The following ADAMTS17 variants were observed in gnomAD, a reference collection of about 807,000 sequenced individuals.
The protein encoded by ADAMTS17 is ADAM metallopeptidase with thrombospondin type 1 motif 17.
ADAMTS17 carries 113 observed loss-of-function variants against 141.5 expected under a neutral mutation model. The observed-to-expected ratio is 0.80, with a 90% CI of 0.69 to 0.93. The LOEUF (loss-of-function observed/expected upper bound fraction) is 0.93, where lower values mean the gene tolerates loss of function less well. ADAMTS17 is among the 40% of genes least tolerant of loss of function. The pLI is 0.00. For synonymous variants in ADAMTS17, 768 were observed against 630.6 expected (o/e 1.22, Z -3.27); for missense variants, 1,659 against 1,517.9 (o/e 1.09, Z -1.54).
At chr15:100,232,263 G>A (rs558402528) in intron 7 of ADAMTS17, among the ~76,000 whole-genome samples, 1 of 152,330 alleles carries the variant, frequency 6.6e-6, no homozygotes, top group South Asian at 2.1e-4. Context: ...ATCCACCCGG[G>A]CAGGACACCT....
chr15:100,051,320 C>T (rs2032121047), intron 17 of ADAMTS17, among the ~76,000 whole-genome samples: 2 of 152,206 alleles, frequency 1.3e-5, no homozygotes, highest in Admixed American at 6.5e-5. Context: ...AGCCAAACCC[C>T]GCTTCACCCA....
chr15:100,051,495 C>A (rs201471122), intron 17 of ADAMTS17, 77 bp downstream of exon 17: 11 of 1,597,144 alleles, frequency 6.9e-6, no homozygotes, highest in African/African-American at 2.7e-5. Flanking sequence ...TCACACTCTG[C>A]GTGCTGGCCA....
chr15:100,137,251 G>A (rs986274661), intron 10 of ADAMTS17, among the ~76,000 whole-genome samples: 1 of 152,188 alleles, frequency 6.6e-6, no homozygotes, highest in African/African-American at 2.4e-5. Flanking sequence ...ACCCAGACAA[G>A]GCAGAAATGA....
intron 18 of ADAMTS17, among the ~76,000 whole-genome samples, chr15:100,003,258 A>C (rs1021545588): frequency 1.3e-5 from 2 of 151,982 alleles, no homozygotes; most frequent in Admixed American, 1.3e-4. Context: ...TCCCAGCTCC[A>C]CCTGGGGTTC....
chr15:100,240,660 A>C (rs912335171), intron 7 of ADAMTS17, among the ~76,000 whole-genome samples: 1 of 152,088 alleles, frequency 6.6e-6, no homozygotes, highest in African/African-American at 2.4e-5. Flanking sequence ...CCTTCCCACA[A>C]TCTGCCACCC....
chr15:100,108,421 G>A (rs1232352373), intron 14 of ADAMTS17, among the ~76,000 whole-genome samples: 1 of 152,104 alleles, frequency 6.6e-6, no homozygotes, highest in African/African-American at 2.4e-5. Context: ...TGATCTTCCT[G>A]CCTCGGCCTC....
At chr15:100,112,517 C>T (rs575469601) in intron 13 of ADAMTS17, among the ~76,000 whole-genome samples, 1 of 152,222 alleles carries the variant, frequency 6.6e-6, no homozygotes, top group South Asian at 2.1e-4. Flanking sequence ...TTCTCTATTT[C>T]CCTCCAGGTT....
chr15:100,110,021 C>G (rs544631123), intron 13 of ADAMTS17, among the ~76,000 whole-genome samples: 4 of 152,002 alleles, frequency 2.6e-5, no homozygotes, highest in Non-Finnish European at 5.9e-5. Context: ...CAGGTCCCAT[C>G]GCTAAAAGAG....
In ADAMTS17 at chr15:100,341,176, G is replaced by A. The variant is rs1421713385; in HGVS notation, c.313C>T (p.Arg105Ter). The A allele has an allele frequency of 5.5e-6, 8 of 1,463,442 alleles. No homozygotes were observed. Among genetic ancestry groups the A allele is most frequent in the South Asian group, 1.3e-5 (1 of 78,006 alleles). 90.7% of individuals were successfully genotyped at this position (1,463,442 alleles called of 1,614,324 possible). A position where few individuals can be genotyped will look rare whatever the true frequency, so the allele number is the denominator to read the frequency against. The change falls in exon 2 of 22, where the codon CGA (arginine) becomes TGA (stop). Residue 105 changes from arginine (R) to a stop codon, truncating the protein, a stop_gained. Coordinates refer to ENST00000268070, the MANE Select transcript of ADAMTS17 (RefSeq NM_139057.4). LOFTEE classifies it high-confidence loss of function. Reference sequence around the variant, plus strand: ...CCCGCCTCCTCCACCTCGAAGCCTCGGGACAGGAAGCGCAGGTCGCGGCGC... The same window carrying A: ...CCCGCCTCCTCCACCTCGAAGCCTCAGGACAGGAAGCGCAGGTCGCGGCGC... The part of the protein sequence containing the change: ...QLRRDLRFLS[R>*]GFEVEEAGAA...
chr15:100,070,976 CA>C (rs1206103086), intron 15 of ADAMTS17, among the ~76,000 whole-genome samples: 2 of 149,598 alleles, frequency 1.3e-5, no homozygotes, highest in African/African-American at 5.0e-5. Flanking sequence ...AAAAGATCAA[CA>C]AAATTGACAG....
intron 10 of ADAMTS17, among the ~76,000 whole-genome samples, chr15:100,137,319 T>C (rs2038385396): frequency 6.6e-6 from 1 of 152,178 alleles, no homozygotes; most frequent in African/African-American, 2.4e-5. Context: ...TGGGAGGCTG[T>C]CTATATGTAC....
intron 8 of ADAMTS17, among the ~76,000 whole-genome samples, chr15:100,175,412 G>C (rs1386059075): frequency 1.3e-5 from 2 of 152,116 alleles, no homozygotes; most frequent in Admixed American, 6.5e-5. Flanking sequence ...ACCGGACTGA[G>C]GCAGTAGAGC....
intron 12 of ADAMTS17, among the ~76,000 whole-genome samples, chr15:100,122,100 G>A (rs1443662599): frequency 6.6e-6 from 1 of 152,160 alleles, no homozygotes; most frequent in Non-Finnish European, 1.5e-5. Context: ...GTCCTTCACA[G>A]TAGCTGTGTG....
intron 12 of ADAMTS17, among the ~76,000 whole-genome samples, chr15:100,119,671 A>G (rs1463102320): frequency 6.6e-6 from 1 of 152,206 alleles, no homozygotes; most frequent in East Asian, 1.9e-4. Flanking sequence ...CTGGATCCAG[A>G]AGCAAGTGGG....
At chr15:100,169,859 G>A (rs1178295637) in intron 8 of ADAMTS17, among the ~76,000 whole-genome samples, 1 of 152,184 alleles carries the variant, frequency 6.6e-6, no homozygotes, top group Non-Finnish European at 1.5e-5. Flanking sequence ...TTGAGAAGCA[G>A]CTAAAATCTT....
rs898740044 is a variant in ADAMTS17, at chr15:100,266,563, A to G, written c.790-4128T>C. ...ACTGCCTGGAATGAGGCTGCTCTCC[A>G]CACCCTGGCCTCCCCGCCTGCAAGG... On this transcript the variant is annotated intron_variant, in intron 4 of 21. Transcript: ENST00000268070. 2.9e-4 allele frequency among the ~76,000 whole-genome samples: 44 copies of G among 152,224 alleles called. 1 individual carries two copies. The highest frequency in any genetic ancestry group is 9.9e-4 in the African/African-American group (41 of 41,556).
intron 3 of ADAMTS17, among the ~76,000 whole-genome samples, chr15:100,304,469 C>G (rs895302828): frequency 6.6e-6 from 1 of 152,140 alleles, no homozygotes; most frequent in African/African-American, 2.4e-5. Flanking sequence ...ATCCTGAAAA[C>G]TGAGATTTGT....
intron 8 of ADAMTS17, among the ~76,000 whole-genome samples, chr15:100,164,348 T>C (rs2039860732): frequency 6.6e-6 from 1 of 151,960 alleles, no homozygotes; most frequent in Admixed American, 6.6e-5. Flanking sequence ...CTCTGAGCCT[T>C]AGTTTCCTCA....
chr15:100,298,158 G>A (rs1295546810), intron 3 of ADAMTS17, among the ~76,000 whole-genome samples: 1 of 152,164 alleles, frequency 6.6e-6, no homozygotes, highest in Non-Finnish European at 1.5e-5. Flanking sequence ...AGTCTGGGGA[G>A]GAGAGAGACA....
Sources: allele counts gnomAD v4.1 joint callset (sites outside exome capture counted in the v4.1 genomes callset), GRCh38; gene constraint gnomAD v4.1.1; transcripts MANE v1.5; gene names NCBI Gene and HGNC (gene_info 2026-07-23, HGNC 2026-07-21).